The following GLOD4 variants were observed in gnomAD, a reference collection of about 807,000 sequenced individuals.
The protein encoded by GLOD4 is glyoxalase domain containing 4.
GLOD4 carries 44 observed loss-of-function variants against 39.1 expected under a neutral mutation model. That is an observed-to-expected ratio of 1.13 (90% CI 0.88 to 1.45). GLOD4 has a LOEUF of 1.45. Ranked by LOEUF, GLOD4 falls within the 40% of genes most tolerant of loss-of-function variation. The pLI is 0.00. For synonymous variants in GLOD4, 145 were observed against 135.0 expected (o/e 1.07, Z -0.52); for missense variants, 405 against 366.4 (o/e 1.11, Z -0.86).
intron 4 of GLOD4, among the ~76,000 whole-genome samples, chr17:774,585 T>C (rs1908570444): frequency 6.6e-6 from 1 of 152,200 alleles, no homozygotes; most frequent in Non-Finnish European, 1.5e-5. Flanking sequence ...CTCACTTCCA[T>C]GCCATCCCTG....
At chr17:771,159 A>G (rs1347798921) in intron 5 of GLOD4, 166 bp downstream of exon 5, 1 of 511,772 alleles carries the variant, frequency 2.0e-6, no homozygotes, top group African/African-American at 2.0e-5. Flanking sequence ...TGGTAAGGTT[A>G]TCACTTATTT....
In GLOD4 at chr17:777,026, C is replaced by G. The variant is rs753525289; in HGVS notation, c.141-38G>C. 1.0e-5 allele frequency: 16 copies of G among 1,605,698 alleles called. No homozygotes were observed. The East Asian group carries it at 1.6e-4, about 16-fold the overall frequency. Reference sequence around the variant, plus strand: ...AGTAAATGAACTCAGTGACTACAGACAAGTCAGCCTCAGGCCACCCCCAGA... The same window carrying G: ...AGTAAATGAACTCAGTGACTACAGAGAAGTCAGCCTCAGGCCACCCCCAGA... On this transcript the variant is annotated intron_variant, in intron 2 of 8. Coordinates refer to ENST00000301329, the MANE Select transcript of GLOD4 (RefSeq NM_016080.4).
chr17:776,063 T>C, intron 3 of GLOD4, 144 bp from the exon 4 acceptor site: 1 of 627,030 alleles, frequency 1.6e-6, no homozygotes, highest in Admixed American at 3.1e-5. Flanking sequence ...CTTCTAGTGA[T>C]TTAAAAACAG....
rs974217410 is a variant in GLOD4 at position 765,447 on chromosome 17, A to G, written c.831+4422T>C. 8.0e-5 allele frequency: 12 copies of G among 150,686 alleles called. 1 individual carries two copies. The highest frequency in any genetic ancestry group is 7.5e-4 in the Admixed American group (11 of 14,764). The allele number at this position is 150,686 out of a possible 1,614,324, so 9.3% of individuals were successfully genotyped here. ...AGGAAGAATGCAGAATGGGAAAAAC[A>G]GCAAAGTAGGGCTATGGGTATAAAA... On this transcript the variant is annotated intron_variant, in intron 8 of 8. Transcript: ENST00000301329.
intron 6 of GLOD4, 84 bp downstream of exon 6, chr17:770,337 G>C (rs1478504375): frequency 2.5e-6 from 2 of 808,852 alleles, no homozygotes; most frequent in African/African-American, 1.7e-5. Flanking sequence ...AATCAAAAAG[G>C]ACCTCAAGAA....
Position 770,113 on chromosome 17 carries a change from AAT to A in GLOD4, c.673_674del (p.Ile225SerfsTer24). 6.2e-7 allele frequency: 1 copy of A among 1,613,170 alleles called. No individual in the cohort carries two copies. Among genetic ancestry groups the A allele is most frequent in the South Asian group, 1.1e-5 (1 of 91,024 alleles). ...TGTCCAGGCTCACCAGGGGAGTCAGAATCTTCTGGTTCTCCCTTTTCATCAAG... is the reference window on the plus strand; with the variant it reads ...TGTCCAGGCTCACCAGGGGAGTCAGACTTCTGGTTCTCCCTTTTCATCAAG... ...EDLMKRENQK[I>X]LTPLVSLDTP... On this transcript the variant is annotated frameshift_variant, in exon 7 of 9. Coordinates refer to ENST00000301329, the MANE Select transcript of GLOD4 (RefSeq NM_016080.4). LOFTEE classifies it high-confidence loss of function.
At chr17:771,228 C>T (rs1172891009) in intron 5 of GLOD4, 97 bp downstream of exon 5, 3 of 704,318 alleles carry the variant, frequency 4.3e-6, no homozygotes, top group Non-Finnish European at 7.2e-6. Context: ...GAACAACCTT[C>T]ATGTTAACTT....
chr17:768,958 AG>A (rs1370660009), intron 8 of GLOD4, among the ~76,000 whole-genome samples: 1 of 152,256 alleles, frequency 6.6e-6, no homozygotes, highest in Non-Finnish European at 1.5e-5. Flanking sequence ...AGAGAGAAAC[AG>A]TGCGCACTCA....
chr17:780,335 A>G (rs946350180), intron 1 of GLOD4, among the ~76,000 whole-genome samples: 1 of 152,212 alleles, frequency 6.6e-6, no homozygotes, highest in African/African-American at 2.4e-5. Context: ...ATTCTTTAGC[A>G]TAGCATTCAA....
intron 8 of GLOD4, among the ~76,000 whole-genome samples, chr17:763,386 TAATCCCAGCTACTCGGG>T (rs1472760484): frequency 9.9e-5 from 15 of 151,094 alleles, no homozygotes; most frequent in Non-Finnish European, 2.1e-4. Flanking sequence ...CGGGTGCCTG[TAATCCCAGCTACTCGGG>T]AATCCCAGCT....
chr17:767,289 C>G (rs1033748539), intron 8 of GLOD4, among the ~76,000 whole-genome samples: 5 of 152,214 alleles, frequency 3.3e-5, no homozygotes, highest in Non-Finnish European at 7.3e-5. Context: ...CAGGTATGTG[C>G]TAGGAGCTAG....
chr17:768,551 TGAGA>T (rs1294673308), intron 8 of GLOD4, among the ~76,000 whole-genome samples: 1 of 106,626 alleles, frequency 9.4e-6, no homozygotes, highest in Non-Finnish European at 1.8e-5. Flanking sequence ...GGAGAGGACG[TGAGA>T]GAGAGAAACA....
intron 8 of GLOD4, among the ~76,000 whole-genome samples, chr17:766,619 G>C (rs1406079119): frequency 6.6e-6 from 1 of 151,498 alleles, no homozygotes; most frequent in African/African-American, 2.4e-5. Context: ...AATAAAATGG[G>C]CCAGGCACAG....
chr17:761,695 G>C (rs1373571095), intron 8 of GLOD4, among the ~76,000 whole-genome samples: 1 of 152,136 alleles, frequency 6.6e-6, no homozygotes, highest in African/African-American at 2.4e-5. Flanking sequence ...GTAGAGACAG[G>C]GTTTCACCAT....
rs139032274 is a variant in GLOD4, at chr17:760,077, A to C, written c.*96T>G. ...ACCCAAGCCTCCTTGCCTGTACGGGAAACAAATCAGAAGAGCATTTATTGG... is the reference window on the plus strand; with the variant it reads ...ACCCAAGCCTCCTTGCCTGTACGGGCAACAAATCAGAAGAGCATTTATTGG... On this transcript the variant is annotated 3_prime_UTR_variant, in exon 9 of 9. Transcript: ENST00000301329. 2.6e-6 allele frequency: 2 copies of C among 777,362 alleles called. No individual in the cohort carries two copies. Among genetic ancestry groups the C allele is most frequent in the African/African-American group, 3.4e-5 (2 of 58,478 alleles). The allele number at this position is 777,362 out of a possible 1,614,324, so 48.2% of individuals were successfully genotyped here. A position where few individuals can be genotyped will look rare whatever the true frequency, so the allele number is the denominator to read the frequency against.
chr17:783,855 A>G (rs1443128522), upstream of GLOD4, among the ~76,000 whole-genome samples: 3 of 152,320 alleles, frequency 2.0e-5, no homozygotes, highest in African/African-American at 7.2e-5. Flanking sequence ...CTATTCCTCA[A>G]ACCTTCTATT....
rs1199189779 is a variant in GLOD4, at chr17:776,947, C to T, written c.182G>A (p.Gly61Glu). ...TGCGACAAAATGATCATCCTCAGGC[C>T]CAAATCCCACCATTGTTTTACTCCA... ...GKWSKTMVGF[G>E]PEDDHFVAEL... Residue 61 changes from glycine (G) to glutamate (E), a missense_variant, in exon 3 of 9, where the codon GGG becomes GAG. Transcript: ENST00000301329. 6.2e-7 allele frequency: 1 copy of T among 1,604,826 alleles called. No homozygotes were observed.
At chr17:777,984 T>C (rs1034550178) in intron 2 of GLOD4, among the ~76,000 whole-genome samples, 2 of 152,128 alleles carry the variant, frequency 1.3e-5, no homozygotes, top group African/African-American at 4.8e-5. Context: ...CTATTAGGCT[T>C]GAACAATGAG....
At chr17:782,122 G>C (rs1224194231) in intron 1 of GLOD4, 44 bp downstream of exon 1, 2 of 1,466,126 alleles carry the variant, frequency 1.4e-6, no homozygotes, top group African/African-American at 2.8e-5. Context: ...CTCGGGCGCC[G>C]GTTCCAGCCT....
Sources: allele counts gnomAD v4.1 joint callset (sites outside exome capture counted in the v4.1 genomes callset), GRCh38; gene constraint gnomAD v4.1.1; transcripts MANE v1.5; gene names NCBI Gene and HGNC (gene_info 2026-07-23, HGNC 2026-07-21).